Variants in AQP9 observed in about 807,000 individuals in gnomAD.
The protein encoded by AQP9 is aquaporin 9.
Under a neutral mutation model 23.8 loss-of-function variants are expected in AQP9, and 19 were observed. That is an observed-to-expected ratio of 0.80 (90% CI 0.56 to 1.17). The LOEUF (loss-of-function observed/expected upper bound fraction) is 1.17. Ranked by LOEUF, AQP9 falls within the 50% of genes most tolerant of loss-of-function variation. The pLI is 0.00. For missense variants in AQP9, 413 were observed against 362.0 expected (o/e 1.14, Z -1.14); for synonymous variants, 153 against 131.5 (o/e 1.16, Z -1.12).
At chr15:58,155,773 G>A (rs1424206080) in intron 1 of AQP9, 1 of 152,042 alleles carries the variant, frequency 6.6e-6, no homozygotes, top group African/African-American at 2.4e-5. Flanking sequence ...TTAAACCAGA[G>A]TAATACTTTT....
chr15:58,174,931 C>T lies in AQP9; in HGVS notation c.390C>T (p.Ser130=), dbSNP rs753523773. The change falls in exon 4 of 6, where the codon TCC becomes TCT. Residue 130 remains serine (S), a synonymous_variant. Coordinates refer to ENST00000219919, the MANE Select transcript of AQP9 (RefSeq NM_020980.5). The part of the protein sequence containing the change: ...VFGIYYDGLM[S]FAGGKLLIVG... ...TCTCTTTCATAGATGGACTTATGTC[C>T]TTTGCTGGTGGAAAACTGCTGATCG... The T allele has an allele frequency of 2.5e-6, 4 of 1,614,110 alleles. No individual in the cohort carries two copies. The highest frequency in any genetic ancestry group is 3.4e-6 in the Non-Finnish European group (4 of 1,179,944).
intron 5 of AQP9, 36 bp downstream of exon 5, chr15:58,179,381 C>A (rs1223846681): frequency 1.3e-5 from 20 of 1,562,394 alleles, no homozygotes; most frequent in South Asian, 2.3e-5. Flanking sequence ...GAGACAGAGT[C>A]ATGCTGCGCC....
intron 1 of AQP9, chr15:58,150,502 A>C (rs907079594): frequency 6.6e-6 from 1 of 152,614 alleles, no homozygotes; most frequent in Non-Finnish European, 1.5e-5. Flanking sequence ...CCGCTGCCTG[A>C]TATTGACACT....
chr15:58,159,101 C>T (rs1440115311), intron 1 of AQP9, among the ~76,000 whole-genome samples: 14 of 152,188 alleles, frequency 9.2e-5, no homozygotes, highest in Admixed American at 7.9e-4. Flanking sequence ...TCCCTCTCTC[C>T]GTTCCCGGCA....
chr15:58,170,306 G>A (rs1412756355), intron 2 of AQP9, among the ~76,000 whole-genome samples: 1 of 151,970 alleles, frequency 6.6e-6, no homozygotes. Flanking sequence ...GCTTTGCAAA[G>A]CACCCTTCCA....
rs1428502898 is a variant in AQP9, at chr15:58,173,156, G to T, written c.327G>T (p.Gln109His). 1.2e-6 allele frequency: 2 copies of T among 1,614,148 alleles called. No homozygotes were observed. Among genetic ancestry groups the T allele is most frequent in the South Asian group, 2.2e-5 (2 of 91,080 alleles). ...WFKLPFYVGAQFLGAFVGAAT... is the reference protein window; with the variant it reads ...WFKLPFYVGAHFLGAFVGAAT... ...AATTGCCATTTTATGTGGGAGCCCA[G>T]TTCTTGGGAGCCTTTGTGGGGGCTG... Residue 109 changes from glutamine (Q) to histidine (H), a missense_variant, in exon 3 of 6, where the codon CAG (glutamine) becomes CAT (histidine). Physicochemically the swap from Gln to His is conservative, Grantham distance 24. Coordinates refer to ENST00000219919, the MANE Select transcript of AQP9 (RefSeq NM_020980.5).
chr15:58,176,052 C>A (rs1211153269), intron 4 of AQP9, among the ~76,000 whole-genome samples: 7 of 152,152 alleles, frequency 4.6e-5, no homozygotes, highest in Non-Finnish European at 1.0e-4. Flanking sequence ...AAGTACTGAA[C>A]TTTTTGGGTC....
intron 3 of AQP9, among the ~76,000 whole-genome samples, 154 bp downstream of exon 3, chr15:58,173,359 C>A (rs1485322455): frequency 6.6e-6 from 1 of 152,146 alleles, no homozygotes; most frequent in Non-Finnish European, 1.5e-5. Context: ...GCCATATTAC[C>A]ATTCCAGCAA....
intron 4 of AQP9, among the ~76,000 whole-genome samples, chr15:58,175,965 A>G (rs1898744892): frequency 6.6e-6 from 1 of 152,244 alleles, no homozygotes; most frequent in Non-Finnish European, 1.5e-5. Context: ...TGTGAGTTGT[A>G]AAGATCCAAG....
At chr15:58,141,174 A>T (rs1395718350) in intron 1 of AQP9, among the ~76,000 whole-genome samples, 1 of 152,132 alleles carries the variant, frequency 6.6e-6, no homozygotes, top group Non-Finnish European at 1.5e-5. Context: ...ACTTCAGAGA[A>T]TCTCTAGTCA....
At chr15:58,156,097 T>C (rs1324057870) in intron 1 of AQP9, 7 of 152,164 alleles carry the variant, frequency 4.6e-5, no homozygotes, top group African/African-American at 1.7e-4. Flanking sequence ...TGCTCCGGTC[T>C]TGTAAACCAG....
intron 1 of AQP9, among the ~76,000 whole-genome samples, chr15:58,161,519 T>C (rs1206427063): frequency 6.6e-6 from 1 of 152,162 alleles, no homozygotes; most frequent in Non-Finnish European, 1.5e-5. Context: ...CTTGAAGATC[T>C]TATCAGCTTC....
At chr15:58,157,485 A>T (rs924599714) in intron 1 of AQP9, among the ~76,000 whole-genome samples, 1 of 152,000 alleles carries the variant, frequency 6.6e-6, no homozygotes. Context: ...GAACTGTTCA[A>T]CTCCCTGGTT....
At chr15:58,148,258 A>C (rs554899299) in intron 1 of AQP9, among the ~76,000 whole-genome samples, 5 of 152,330 alleles carry the variant, frequency 3.3e-5, no homozygotes, top group African/African-American at 1.2e-4. Context: ...TGTTTGGGAA[A>C]CACTGGGTTA....
chr15:58,159,915 G>T (rs1194625009), intron 1 of AQP9, among the ~76,000 whole-genome samples: 2 of 152,110 alleles, frequency 1.3e-5, no homozygotes, highest in Non-Finnish European at 2.9e-5. Context: ...TGGTTTGTGG[G>T]CATTTAGGTT....
rs1480163511 is a variant in AQP9, at chr15:58,185,899, T to G, written c.*1764T>G. On this transcript the variant is annotated 3_prime_UTR_variant, in exon 6 of 6. Coordinates refer to ENST00000219919, the MANE Select transcript of AQP9 (RefSeq NM_020980.5). ...TATTTCCTATTTGAAATAAAATTGTTCGGTCATTGTTGGTTGCTTGGTTGG... is the reference window on the plus strand; with the variant it reads ...TATTTCCTATTTGAAATAAAATTGTGCGGTCATTGTTGGTTGCTTGGTTGG... 6.6e-6 allele frequency: 1 copy of G among 152,246 alleles called. No homozygotes were observed. Among genetic ancestry groups the G allele is most frequent in the Non-Finnish European group, 1.5e-5 (1 of 68,048 alleles). The allele number at this position is 152,246 out of a possible 1,614,324, so 9.4% of individuals were successfully genotyped here.
chr15:58,155,281 A>G (rs1336717750), intron 1 of AQP9: 3 of 152,160 alleles, frequency 2.0e-5, no homozygotes, highest in African/African-American at 7.2e-5. Flanking sequence ...TGGTTCATTT[A>G]TATTTCTAGA....
chr15:58,141,037 T>C (rs1897941388), intron 1 of AQP9, among the ~76,000 whole-genome samples: 1 of 152,178 alleles, frequency 6.6e-6, no homozygotes, highest in Non-Finnish European at 1.5e-5. Flanking sequence ...CCAACAACAA[T>C]TAAGTCATAA....
chr15:58,156,430 C>T (rs569987184), intron 1 of AQP9, among the ~76,000 whole-genome samples: 1 of 152,280 alleles, frequency 6.6e-6, no homozygotes, highest in African/African-American at 2.4e-5. Context: ...ATAACACATT[C>T]ACCGTATCAA....
Sources: gnomAD v4.1 joint callset for allele counts (sites outside exome capture counted in the v4.1 genomes callset) on GRCh38, gnomAD v4.1.1 for gene constraint, MANE v1.5 for transcripts, NCBI Gene and HGNC (gene_info 2026-07-23, HGNC 2026-07-21) for gene names.